NTRK3: variants seen among roughly 807,000 people sequenced by gnomAD.
The protein encoded by NTRK3 is neurotrophic receptor tyrosine kinase 3, also known as NT-3 growth factor receptor.
In NTRK3, 24 loss-of-function variants were observed where a neutral mutation model predicts 91.7. The observed-to-expected ratio is 0.26, with a 90% confidence interval of 0.19 to 0.37. The LOEUF is 0.37. Ranked by LOEUF, NTRK3 falls within the 10% of genes least tolerant of loss-of-function variation. NTRK3 has a pLI of 1.00. For missense variants in NTRK3, 880 were observed against 1,068.9 expected, an observed-to-expected ratio of 0.82 and a Z score of 2.46; for synonymous variants, 483 against 404.0, an observed-to-expected ratio of 1.20 and a Z score of -2.34.
intron 15 of NTRK3, among the ~76,000 whole-genome samples, chr15:87,934,367 G>A (rs562065317): frequency 2.6e-5 from 4 of 152,292 alleles, no homozygotes; most frequent in African/African-American, 9.6e-5. Context: ...ACCATTTTCA[G>A]GGGAGTGACA....
chr15:87,999,908 T>G (rs2075975585), intron 14 of NTRK3, among the ~76,000 whole-genome samples: 1 of 152,160 alleles, frequency 6.6e-6, no homozygotes. Flanking sequence ...TCCAAAATAT[T>G]AATTGAAATG....
intron 13 of NTRK3, among the ~76,000 whole-genome samples, chr15:88,118,244 G>A (rs778435757): frequency 2.0e-5 from 3 of 152,160 alleles, no homozygotes; most frequent in Non-Finnish European, 4.4e-5. Flanking sequence ...GCATAAACGC[G>A]GGTCTTGGGT....
At chr15:88,051,147 C>T (rs2080787501) in intron 13 of NTRK3, among the ~76,000 whole-genome samples, 1 of 152,186 alleles carries the variant, frequency 6.6e-6, no homozygotes, top group African/African-American at 2.4e-5. Flanking sequence ...CCCAAATACA[C>T]AATCTACATT....
rs55799747 is a variant in NTRK3, at chr15:87,940,674, G to A, written c.1665C>T (p.Ala555=). The change falls in exon 15 of 19, where the codon GCC becomes GCT. Residue 555 remains alanine, a synonymous_variant. Transcript: ENST00000394480. Reference sequence around the variant, plus strand: ...TGGTCGGGCTGAGGTTGTAGCACTCGGCCAGGAAGACCTTTCCAAAGGCTC... The same window carrying A: ...TGGTCGGGCTGAGGTTGTAGCACTCAGCCAGGAAGACCTTTCCAAAGGCTC... 2,226 of 1,614,070 alleles carry A rather than the reference G, an allele frequency of 1.4e-3. 8 individuals are homozygous for A. Among genetic ancestry groups the A allele is most frequent in the Non-Finnish European group, 1.7e-3 (1,970 of 1,180,030 alleles).
intron 14 of NTRK3, among the ~76,000 whole-genome samples, chr15:88,000,033 T>C (rs932039566): frequency 2.0e-5 from 3 of 152,192 alleles, no homozygotes; most frequent in Non-Finnish European, 4.4e-5. Context: ...GATGGTGATA[T>C]TCAAGTATCA....
intron 13 of NTRK3, among the ~76,000 whole-genome samples, chr15:88,061,730 C>G (rs1044960969): frequency 6.6e-6 from 1 of 152,196 alleles, no homozygotes; most frequent in Non-Finnish European, 1.5e-5. Context: ...TTCCAGGGCC[C>G]GGAGGCTCCG....
chr15:88,000,320 A>C (rs1416683357), intron 14 of NTRK3, among the ~76,000 whole-genome samples: 2 of 152,206 alleles, frequency 1.3e-5, no homozygotes, highest in African/African-American at 4.8e-5. Flanking sequence ...ACAATCGAAC[A>C]AGGAGCTCAT....
intron 14 of NTRK3, among the ~76,000 whole-genome samples, chr15:87,962,344 T>G (rs2141209896): frequency 6.6e-6 from 1 of 152,278 alleles, no homozygotes; most frequent in South Asian, 2.1e-4. Flanking sequence ...GAGGATATAT[T>G]TCTCCTGCCT....
At chr15:88,073,939 T>G (rs931414987) in intron 13 of NTRK3, among the ~76,000 whole-genome samples, 7 of 152,194 alleles carry the variant, frequency 4.6e-5, no homozygotes, top group African/African-American at 1.7e-4. Flanking sequence ...GTATTATGTA[T>G]TCCAGAAGCA....
chr15:88,030,794 G>GA (rs544482364), intron 14 of NTRK3, among the ~76,000 whole-genome samples: 142 of 147,652 alleles, frequency 9.6e-4, no homozygotes, highest in Middle Eastern at 3.4e-3. Context: ...ATTTTAATTG[G>GA]AAAAAAAAAA....
intron 13 of NTRK3, among the ~76,000 whole-genome samples, chr15:88,082,405 G>T (rs191918347): frequency 1.6e-4 from 25 of 152,146 alleles, no homozygotes; most frequent in Admixed American, 1.4e-3. Context: ...GTGCTGATCT[G>T]AAGTGTACAG....
chr15:87,984,395 C>T (rs191520995), intron 14 of NTRK3, among the ~76,000 whole-genome samples: 1 of 152,312 alleles, frequency 6.6e-6, no homozygotes, highest in African/African-American at 2.4e-5. Context: ...GGTGCCTGGG[C>T]TATGGTTATG....
At chr15:88,090,899 G>T (rs1223455093) in intron 13 of NTRK3, among the ~76,000 whole-genome samples, 1 of 152,158 alleles carries the variant, frequency 6.6e-6, no homozygotes, top group Non-Finnish European at 1.5e-5. Context: ...CAGCCCTCTT[G>T]CCTGCGCCTC....
intron 10 of NTRK3, among the ~76,000 whole-genome samples, chr15:88,133,620 A>T (rs1212224524): frequency 6.6e-6 from 1 of 152,178 alleles, no homozygotes; most frequent in South Asian, 2.1e-4. Flanking sequence ...TTTTATGTCA[A>T]CAAGACCTAG....
chr15:87,890,803 G>C (rs1010790528), intron 17 of NTRK3, among the ~76,000 whole-genome samples: 5 of 152,098 alleles, frequency 3.3e-5, no homozygotes, highest in Non-Finnish European at 5.9e-5. Flanking sequence ...CTTTGAATCA[G>C]CCATATCTCC....
At chr15:87,939,349 G>T (rs556482858) in intron 15 of NTRK3, among the ~76,000 whole-genome samples, 3 of 152,268 alleles carry the variant, frequency 2.0e-5, no homozygotes, top group Admixed American at 2.0e-4. Flanking sequence ...CTAAGGAGAG[G>T]ATATTATTAT....
intron 3 of NTRK3, among the ~76,000 whole-genome samples, chr15:88,230,805 A>G (rs1355515861): frequency 6.6e-6 from 1 of 152,180 alleles, no homozygotes; most frequent in Non-Finnish European, 1.5e-5. Context: ...CTCAGACAAA[A>G]CCACCCTGTA....
chr15:87,950,215 G>A (rs566046512), intron 14 of NTRK3, among the ~76,000 whole-genome samples: 3 of 152,332 alleles, frequency 2.0e-5, no homozygotes, highest in Admixed American at 2.0e-4. Context: ...CTGGAGCCAT[G>A]AGATGCAGCT....
intron 3 of NTRK3, among the ~76,000 whole-genome samples, chr15:88,205,528 G>A (rs1567643367): frequency 6.6e-6 from 1 of 152,102 alleles, no homozygotes; most frequent in South Asian, 2.1e-4. Context: ...CTACAGACAT[G>A]AGCTCTGGTA....
Sources: allele counts gnomAD v4.1 joint callset (sites outside exome capture counted in the v4.1 genomes callset), GRCh38; gene constraint gnomAD v4.1.1; transcripts MANE v1.5; gene names NCBI Gene and HGNC (gene_info 2026-07-23, HGNC 2026-07-21).